Variants in VEGFC observed in about 807,000 individuals in gnomAD.
The protein encoded by VEGFC is FLT4 ligand DHM.
VEGFC carries 12 observed loss-of-function variants against 46.1 expected under a neutral mutation model. The ratio of observed to expected loss-of-function variants is 0.26; its 90% CI spans 0.17 to 0.42. VEGFC has a LOEUF of 0.42. VEGFC is among the 10% of genes least tolerant of loss of function. VEGFC has a pLI of 1.00. For missense variants in VEGFC, 488 were observed against 529.4 expected (o/e 0.92, Z 0.77); for synonymous variants, 232 against 195.5 (o/e 1.19, Z -1.56).
chr4:176,767,146 A>C (rs867848729), intron 1 of VEGFC, among the ~76,000 whole-genome samples: 10 of 149,228 alleles, frequency 6.7e-5, no homozygotes, highest in African/African-American at 2.2e-4. Flanking sequence ...AAAAAAAAAC[A>C]ACCAAAAAGA....
rs370465436 is a variant in VEGFC at position 176,684,030 on chromosome 4, G to A, written c.1156C>T (p.Arg386Trp). 17 of 1,613,556 alleles carry A rather than the reference G, an allele frequency of 1.1e-5. No individual in the cohort carries two copies. Among genetic ancestry groups the A allele is most frequent in the Middle Eastern group, 1.6e-4 (1 of 6,084 alleles). ...FHHQTCSCYR[R>W]PCTNRQKACE... ...GCCTTCTGGCGGTTCGTACATGGCC[G>A]TCTGTAACAGCTAGGAGAACAAACA... Residue 386 changes from arginine to tryptophan, a missense_variant, in exon 7 of 7, where the codon CGG (arginine) becomes TGG (tryptophan). Coordinates refer to ENST00000618562, the MANE Select transcript of VEGFC (RefSeq NM_005429.5).
At chr4:176,694,171 A>G (rs1734263891) in intron 4 of VEGFC, among the ~76,000 whole-genome samples, 1 of 151,872 alleles carries the variant, frequency 6.6e-6, no homozygotes, top group Admixed American at 6.6e-5. Context: ...TCCAATTAAA[A>G]GACACAGACT....
Position 176,717,484 on chromosome 4 carries a change from C to T in VEGFC, c.553-5834G>A, listed in dbSNP as rs190700023. ...TAGGTTGTTTACAGCAGCATAGCAA[C>T]GGCTATAAAGCAACAATTCCTAATC... is the stretch of plus-strand genomic sequence containing the variant. On this transcript the variant is annotated intron_variant, in intron 3 of 6. Coordinates refer to ENST00000618562, the MANE Select transcript of VEGFC (RefSeq NM_005429.5). Among the ~76,000 whole-genome samples, 76 of 152,192 alleles carry T rather than the reference C, an allele frequency of 5.0e-4. 1 individual carries two copies. Among genetic ancestry groups the T allele is most frequent in the Admixed American group, 3.0e-3 (46 of 15,282 alleles).
chr4:176,714,132 C>A (rs920221277), intron 3 of VEGFC, among the ~76,000 whole-genome samples: 1 of 152,184 alleles, frequency 6.6e-6, no homozygotes, highest in Non-Finnish European at 1.5e-5. Context: ...TCCTCCAAAT[C>A]TCATGTTGAA....
intron 4 of VEGFC, among the ~76,000 whole-genome samples, chr4:176,694,241 C>T (rs1319361430): frequency 8.6e-5 from 13 of 150,314 alleles, no homozygotes; most frequent in Admixed American, 2.0e-4. Flanking sequence ...ACCCATCTCA[C>T]GTGCAGAGAC....
At position 176,688,722 on chromosome 4, in the gene VEGFC, A is replaced by C. The variant is rs890850855; in HGVS notation, c.705-795T>G. Among the ~76,000 whole-genome samples, 4 of 152,014 alleles carry C rather than the reference A, an allele frequency of 2.6e-5. No individual in the cohort carries two copies. The South Asian group carries it at 8.3e-4, about 32-fold the overall frequency. ...CCCTAATTGCTCCTTTGATGGTCCAATGGCCCCACTGTTGCTACCTGAGAC... is the reference window on the plus strand; with the variant it reads ...CCCTAATTGCTCCTTTGATGGTCCACTGGCCCCACTGTTGCTACCTGAGAC... On this transcript the variant is annotated intron_variant, in intron 4 of 6. Transcript: ENST00000618562.
chr4:176,696,255 C>A (rs1469943284), intron 4 of VEGFC, among the ~76,000 whole-genome samples: 1 of 151,724 alleles, frequency 6.6e-6, no homozygotes, highest in South Asian at 2.1e-4. Flanking sequence ...AGCCAAAAAT[C>A]TCCTTAAGCT....
At chr4:176,786,931 T>C (rs1736010712) in intron 1 of VEGFC, among the ~76,000 whole-genome samples, 1 of 152,130 alleles carries the variant, frequency 6.6e-6, no homozygotes, top group South Asian at 2.1e-4. Context: ...CATCTGCTTA[T>C]CCAAAATGCC....
chr4:176,728,699 A>C (rs1477651260), intron 2 of VEGFC, among the ~76,000 whole-genome samples: 1 of 152,162 alleles, frequency 6.6e-6, no homozygotes, highest in Admixed American at 6.6e-5. Flanking sequence ...TACTTATCCC[A>C]TATTTCCCCT....
intron 1 of VEGFC, among the ~76,000 whole-genome samples, chr4:176,761,127 T>C (rs575074728): frequency 2.0e-5 from 3 of 152,334 alleles, no homozygotes; most frequent in South Asian, 2.1e-4. Flanking sequence ...ATAGATCCTA[T>C]ACAAAATTGT....
chr4:176,769,884 A>G (rs1042273819), intron 1 of VEGFC, among the ~76,000 whole-genome samples: 1 of 152,208 alleles, frequency 6.6e-6, no homozygotes, highest in Non-Finnish European at 1.5e-5. Flanking sequence ...TGTACTCTCC[A>G]GTAATAACAT....
chr4:176,753,352 T>C (rs1735371084), intron 1 of VEGFC, among the ~76,000 whole-genome samples: 1 of 152,176 alleles, frequency 6.6e-6, no homozygotes, highest in South Asian at 2.1e-4. Flanking sequence ...TGATTAGCTG[T>C]GTGAATTCCT....
chr4:176,708,337 T>A (rs1734570970), intron 4 of VEGFC, among the ~76,000 whole-genome samples: 1 of 152,020 alleles, frequency 6.6e-6, no homozygotes, highest in African/African-American at 2.4e-5. Flanking sequence ...AGATTAAAAA[T>A]TTTTAATTTA....
rs1203533059 is a variant in VEGFC at position 176,695,351 on chromosome 4, C to G, written c.705-7424G>C. Among the ~76,000 whole-genome samples the G allele has an allele frequency of 3.6e-4, 55 of 151,650 alleles. 1 individual carries two copies. Among genetic ancestry groups the G allele is most frequent in the Middle Eastern group, 3.4e-3 (1 of 294 alleles). ...TACCATCAGAGAATACTACAAACAC[C>G]TCTATGCAAATAAACTAGAAAATCT... On this transcript the variant is annotated intron_variant, in intron 4 of 6. Coordinates refer to ENST00000618562, the MANE Select transcript of VEGFC (RefSeq NM_005429.5).
chr4:176,784,756 C>CAAAAAAAAA (rs5864405), intron 1 of VEGFC, among the ~76,000 whole-genome samples: 1 of 22,992 alleles, frequency 4.3e-5, no homozygotes, highest in African/African-American at 8.9e-5. Flanking sequence ...GAGTCTGTCT[C>CAAAAAAAAA]AAAAAAAAAA....
At chr4:176,723,546 A>G (rs2969764) in intron 3 of VEGFC, among the ~76,000 whole-genome samples, 7,174 of 9,910 alleles carry the variant, frequency 0.72, 2,917 homozygotes, top group Non-Finnish European at 0.96. Context: ...TTTTATTTTA[A>G]GTTTGGGGTT....
chr4:176,704,472 T>C (rs576995061), intron 4 of VEGFC, among the ~76,000 whole-genome samples: 5 of 152,262 alleles, frequency 3.3e-5, no homozygotes, highest in South Asian at 2.1e-4. Context: ...TACAGTTTCA[T>C]CCTCAACTTC....
At chr4:176,786,285 TTCCCACCA>T (rs1434799268) in intron 1 of VEGFC, among the ~76,000 whole-genome samples, 13 of 152,340 alleles carry the variant, frequency 8.5e-5, no homozygotes, top group African/African-American at 2.6e-4. Context: ...GTTTTCACAC[TTCCCACCA>T]TGCTCCCTTC....
chr4:176,722,487 T>TG (rs770311348), intron 3 of VEGFC, among the ~76,000 whole-genome samples: 3 of 62,104 alleles, frequency 4.8e-5, no homozygotes, highest in South Asian at 9.0e-4. Context: ...TTTTTTCTTT[T>TG]GTTTTTTTTT....
Sources: gnomAD v4.1 joint callset for allele counts (sites outside exome capture counted in the v4.1 genomes callset) on GRCh38, gnomAD v4.1.1 for gene constraint, MANE v1.5 for transcripts, NCBI Gene and HGNC (gene_info 2026-07-23, HGNC 2026-07-21) for gene names.